The following SLC35E1 variants were observed in gnomAD, a reference collection of about 807,000 sequenced individuals.
SLC35E1 encodes the protein solute carrier family 35, member E1.
In SLC35E1, 12 loss-of-function variants were observed where a neutral mutation model predicts 31.0. That is an observed-to-expected ratio of 0.39 (90% CI 0.25 to 0.63). The LOEUF is 0.63. Ranked by LOEUF, SLC35E1 falls within the 20% of genes least tolerant of loss-of-function variation. The pLI is 0.52. For missense variants in SLC35E1, 429 were observed against 572.2 expected (o/e 0.75, Z 2.55); for synonymous variants, 257 against 264.1 (o/e 0.97, Z 0.26).
rs368028663 is a variant in SLC35E1, at chr19:16,567,187, A to C, written c.631-530T>G. On this transcript the variant is annotated intron_variant, in intron 3 of 5. Coordinates refer to ENST00000595753, the MANE Select transcript of SLC35E1 (RefSeq NM_024881.5). Reference sequence around the variant, plus strand: ...GTGATTATCACAGGAGTTAAGAGCAATTTTTTTTTTTGAGACGGGGTCTCA... The same window carrying C: ...GTGATTATCACAGGAGTTAAGAGCACTTTTTTTTTTTGAGACGGGGTCTCA... Among the ~76,000 whole-genome samples the C allele has an allele frequency of 5.1e-4, 76 of 149,386 alleles. 1 individual carries two copies. Among genetic ancestry groups the C allele is most frequent in the African/African-American group, 1.8e-3 (73 of 40,834 alleles).
At chr19:16,559,390 C>T (rs988141761) in intron 4 of SLC35E1, among the ~76,000 whole-genome samples, 2 of 151,516 alleles carry the variant, frequency 1.3e-5, no homozygotes, top group African/African-American at 4.9e-5. Flanking sequence ...GAGGCTGAGG[C>T]GGGTGGATCA....
chr19:16,572,327 C>T lies in SLC35E1; in HGVS notation c.38G>A (p.Gly13Glu). The T allele has an allele frequency of 1.0e-5, 12 of 1,190,366 alleles. No individual in the cohort carries two copies. Among genetic ancestry groups the T allele is most frequent in the Non-Finnish European group, 1.3e-5 (12 of 955,682 alleles). 73.7% of individuals were successfully genotyped at this position (1,190,366 alleles called of 1,614,324 possible). Reference sequence around the variant, plus strand: ...ACTGCTGCTCGCTGCGCCCGGGCCCCCCGCGCCGTGGCCCGCGCCCACCGC... The same window carrying T: ...ACTGCTGCTCGCTGCGCCCGGGCCCTCCGCGCCGTGGCCCGCGCCCACCGC... ...AAAVGAGHGA[G>E]GPGAASSSGG... Residue 13 changes from glycine (G) to glutamate (E), a missense_variant, in exon 1 of 6, where the codon GGG (glycine) becomes GAG (glutamate). Coordinates refer to ENST00000595753, the MANE Select transcript of SLC35E1 (RefSeq NM_024881.5). The surrounding 1 kb of genome is among the most constrained non-coding windows in gnomAD (Gnocchi z 4.1).
At chr19:16,559,340 C>A (rs907886840) in intron 4 of SLC35E1, among the ~76,000 whole-genome samples, 3 of 151,596 alleles carry the variant, frequency 2.0e-5, no homozygotes, top group Non-Finnish European at 2.9e-5. Flanking sequence ...AAATTTCTAG[C>A]CAAGTTTGGT....
At position 16,572,293 on chromosome 19, in the gene SLC35E1, C is replaced by T; in HGVS notation, c.72G>A (p.Ala24=). 6.8e-7 allele frequency: 1 copy of T among 1,476,104 alleles called. No individual in the cohort carries two copies. The highest frequency in any genetic ancestry group is 1.5e-5 in the African/African-American group (1 of 67,698). The allele number at this position is 1,476,104 out of a possible 1,614,324, so 91.4% of individuals were successfully genotyped here. The change falls in exon 1 of 6, where the codon GCG becomes GCA. Residue 24 remains alanine (A), a synonymous_variant. Coordinates refer to ENST00000595753, the MANE Select transcript of SLC35E1 (RefSeq NM_024881.5). This position sits in a 1 kb window ranked among gnomAD's most constrained non-coding sequence, Gnocchi z 4.1. ...GPGAASSSGG[A]REGARVAALC... ...GCGCCGCCACCCGCGCGCCCTCGCG[C>T]GCCCCACCACTGCTGCTCGCTGCGC...
intron 4 of SLC35E1, chr19:16,557,091 T>C (rs2085878633): frequency 9.9e-6 from 4 of 405,326 alleles, no homozygotes; most frequent in African/African-American, 2.1e-5. Context: ...CCTGCTTGCA[T>C]AGATATCTAT....
At position 16,568,180 on chromosome 19, in the gene SLC35E1, A is replaced by T; in HGVS notation, c.493-11T>A. 3.1e-6 allele frequency: 5 copies of T among 1,602,266 alleles called. No homozygotes were observed. The highest frequency in any genetic ancestry group is 3.4e-6 in the Non-Finnish European group (4 of 1,174,562). On this transcript the variant is annotated splice_polypyrimidine_tract_variant and intron_variant, in intron 2 of 5. Transcript: ENST00000595753. ...GAGTGACAAGTATACCTGCAGGAAG[A>T]GGTCATCAAGAAGGGCTCACAGGCC...
chr19:16,565,295 C>G, intron 4 of SLC35E1: 1 of 352,510 alleles, frequency 2.8e-6, no homozygotes, highest in South Asian at 2.1e-5. Context: ...ACTGCAAACT[C>G]TGCCTCCTGG....
chr19:16,568,181 G>A lies in SLC35E1; in HGVS notation c.493-12C>T. 1 of 1,602,204 alleles carries A rather than the reference G, an allele frequency of 6.2e-7. No individual in the cohort carries two copies. Among genetic ancestry groups the A allele is most frequent in the East Asian group, 2.2e-5 (1 of 44,450 alleles). On this transcript the variant is annotated splice_polypyrimidine_tract_variant and intron_variant, in intron 2 of 5. Coordinates refer to ENST00000595753, the MANE Select transcript of SLC35E1 (RefSeq NM_024881.5). ...AGTGACAAGTATACCTGCAGGAAGA[G>A]GTCATCAAGAAGGGCTCACAGGCCA...
At chr19:16,554,820 GAA>G (rs59402960) in intron 5 of SLC35E1, among the ~76,000 whole-genome samples, 48 of 60,192 alleles carry the variant, frequency 8.0e-4, no homozygotes, top group African/African-American at 2.6e-3. Context: ...ACTCCATCTC[GAA>G]AAAAAAAAAA....
At chr19:16,554,861 C>G (rs2085867473) in intron 5 of SLC35E1, among the ~76,000 whole-genome samples, 1 of 151,164 alleles carries the variant, frequency 6.6e-6, no homozygotes, top group Admixed American at 6.6e-5. Context: ...AGAAGGCAAG[C>G]CCTCCCTGTT....
In SLC35E1 at chr19:16,553,795, G is replaced by C. The variant is rs758896013; in HGVS notation, c.1117C>G (p.Leu373Val). Reference sequence around the variant, plus strand: ...TGATAGTCCCCGTGCTGGGGGAAGAGGAGGCCGTTGTGGGGCTTCTCCAGT... The same window carrying C: ...TGATAGTCCCCGTGCTGGGGGAAGACGAGGCCGTTGTGGGGCTTCTCCAGT... ...SPLEKPHNGL[L>V]FPQHGDYQYG... The change falls in exon 6 of 6, where the codon CTC (leucine) becomes GTC (valine). Residue 373 changes from leucine (L) to valine (V), a missense_variant. Coordinates refer to ENST00000595753, the MANE Select transcript of SLC35E1 (RefSeq NM_024881.5). 1 of 1,614,024 alleles carries C rather than the reference G, an allele frequency of 6.2e-7. No individual in the cohort carries two copies. Among genetic ancestry groups the C allele is most frequent in the Non-Finnish European group, 8.5e-7 (1 of 1,179,954 alleles).
chr19:16,554,985 A>G (rs926764311), intron 5 of SLC35E1, among the ~76,000 whole-genome samples, 167 bp downstream of exon 5: 3 of 152,128 alleles, frequency 2.0e-5, no homozygotes, highest in Non-Finnish European at 4.4e-5. Context: ...CTATGCAGGA[A>G]AAAGGAAGCC....
Position 16,553,683 on chromosome 19 carries a change from A to G in SLC35E1, c.1229T>C (p.Val410Ala), listed in dbSNP as rs756393413. 3.9e-6 allele frequency: 6 copies of G among 1,539,912 alleles called. No individual in the cohort carries two copies. The highest frequency in any genetic ancestry group is 5.3e-6 in the Non-Finnish European group (6 of 1,136,726). Residue 410 changes from valine (V) to alanine (A), a missense_variant, in exon 6 of 6, where the codon GTG (valine) becomes GCG (alanine). Coordinates refer to ENST00000595753, the MANE Select transcript of SLC35E1 (RefSeq NM_024881.5). ...PNSYSLNRYD[V>A] is the part of the protein sequence containing the mutation. ...TCTGGTCCTGTCCTTTGGACTCTACACATCATAGCGGTTCAAACTGTACGA... is the reference window on the plus strand; with the variant it reads ...TCTGGTCCTGTCCTTTGGACTCTACGCATCATAGCGGTTCAAACTGTACGA...
chr19:16,561,023 GA>G (rs1263995853), intron 4 of SLC35E1, among the ~76,000 whole-genome samples: 1 of 149,038 alleles, frequency 6.7e-6, no homozygotes, highest in Non-Finnish European at 1.5e-5. Flanking sequence ...CCAACATGGT[GA>G]AACCCATCTC....
chr19:16,561,136 C>G (rs1158054122), intron 4 of SLC35E1, among the ~76,000 whole-genome samples: 6 of 138,014 alleles, frequency 4.3e-5, no homozygotes, highest in African/African-American at 1.6e-4. Flanking sequence ...ATCTCTTGAA[C>G]CCTGGAGGCA....
chr19:16,571,865 G>T, intron 1 of SLC35E1, 79 bp downstream of exon 1: 2 of 1,397,534 alleles, frequency 1.4e-6, no homozygotes, highest in African/African-American at 1.5e-5. Context: ...CGCGCCCCGG[G>T]CGGCGCACTC....
At chr19:16,560,205 G>A (rs1311696730) in intron 4 of SLC35E1, among the ~76,000 whole-genome samples, 1 of 152,110 alleles carries the variant, frequency 6.6e-6, no homozygotes, top group East Asian at 1.9e-4. Flanking sequence ...GGATTCCATG[G>A]GCGACTTTAT....
rs2085843462 is a variant in SLC35E1 at position 16,551,181 on chromosome 19, T to C, written c.*2498A>G. ...TCGGTGAAGGCACACGGCAAGTTCT[T>C]CTGACAAATAACACCCTTTGGGATT... On this transcript the variant is annotated 3_prime_UTR_variant, in exon 6 of 6. Transcript: ENST00000595753. The C allele has an allele frequency of 6.6e-6, 1 of 152,194 alleles. No homozygotes were observed. Among genetic ancestry groups the C allele is most frequent in the Admixed American group, 6.5e-5 (1 of 15,270 alleles). 9.4% of individuals were successfully genotyped at this position (152,194 alleles called of 1,614,324 possible).
At chr19:16,568,238 C>T (rs1267249523) in intron 2 of SLC35E1, 69 bp from the exon 3 acceptor site, 4 of 1,506,004 alleles carry the variant, frequency 2.7e-6, no homozygotes, top group Non-Finnish European at 2.7e-6. Context: ...CACAGATGCC[C>T]AGGGAAGAGC....
Sources: allele counts gnomAD v4.1 joint callset (sites outside exome capture counted in the v4.1 genomes callset), GRCh38; gene constraint gnomAD v4.1.1; non-coding constraint Gnocchi (gnomAD v3.1); transcripts MANE v1.5; gene names NCBI Gene and HGNC (gene_info 2026-07-23, HGNC 2026-07-21).